TECPR2: variants seen among roughly 807,000 people sequenced by gnomAD.
TECPR2 encodes the protein tectonin beta-propeller repeat containing 2.
Under a neutral mutation model 138.1 loss-of-function variants are expected in TECPR2, and 65 were observed. The ratio of observed to expected loss-of-function variants is 0.47; its 90% confidence interval spans 0.39 to 0.58. TECPR2 has a LOEUF of 0.58. Ranked by LOEUF, TECPR2 falls within the 20% of genes least tolerant of loss-of-function variation. TECPR2 has a pLI of 0.00. For missense variants in TECPR2, 1,553 were observed against 1,824.5 expected (o/e 0.85, Z 2.71); for synonymous variants, 746 against 749.8 (o/e 0.99, Z 0.08).
intron 17 of TECPR2, among the ~76,000 whole-genome samples, chr14:102,488,684 A>G (rs1052719863): frequency 6.6e-6 from 1 of 151,750 alleles, no homozygotes; most frequent in Non-Finnish European, 1.5e-5. Context: ...CTGCACTTGT[A>G]TTTATAAGAA....
chr14:102,391,956 C>T (rs1447563769), intron 2 of TECPR2, among the ~76,000 whole-genome samples: 3 of 152,088 alleles, frequency 2.0e-5, no homozygotes, highest in African/African-American at 4.8e-5. Context: ...TTTTCATTTC[C>T]TGCTGAAACC....
At chr14:102,398,088 AAAAGAAAAAAG>A (rs1209367561) in intron 2 of TECPR2, among the ~76,000 whole-genome samples, 3,142 of 149,358 alleles carry the variant, frequency 0.021, 40 homozygotes, top group Middle Eastern at 0.067. Context: ...AAAAAAAAAA[AAAAGAAAAAAG>A]AAAGAAAAGA....
rs1319695813 is a variant in TECPR2, at chr14:102,434,763, C to T, written c.1946C>T (p.Thr649Ile). 1.2e-6 allele frequency: 2 copies of T among 1,613,416 alleles called. No homozygotes were observed. The highest frequency in any genetic ancestry group is 1.1e-5 in the South Asian group (1 of 91,090). Residue 649 changes from threonine to isoleucine, a missense_variant, in exon 9 of 20, where the codon ACT (threonine) becomes ATT (isoleucine). Physicochemically the swap from Thr to Ile is moderately conservative, Grantham distance 89. Transcript: ENST00000359520. Reference sequence around the variant, plus strand: ...GAAGTCCCCCTCCTGAACTCACTCACTGTGCCTTCCAGCCTCAGCTGGGCC... The same window carrying T: ...GAAGTCCCCCTCCTGAACTCACTCATTGTGCCTTCCAGCCTCAGCTGGGCC... ...FCEVPLLNSL[T>I]VPSSLSWAPS...
intron 17 of TECPR2, among the ~76,000 whole-genome samples, chr14:102,480,704 G>T (rs1890872635): frequency 6.6e-6 from 1 of 151,244 alleles, no homozygotes; most frequent in South Asian, 2.1e-4. Flanking sequence ...ATTTTGTAGA[G>T]ATGAGGTCTT....
chr14:102,364,615 G>T (rs1423804309), intron 1 of TECPR2, among the ~76,000 whole-genome samples: 7 of 152,236 alleles, frequency 4.6e-5, no homozygotes, highest in African/African-American at 1.7e-4. Flanking sequence ...TGACTAGGAA[G>T]TAGCTTTTGT....
At chr14:102,467,381 A>G (rs534671725) in intron 17 of TECPR2, among the ~76,000 whole-genome samples, 5 of 147,110 alleles carry the variant, frequency 3.4e-5, no homozygotes, top group Admixed American at 2.1e-4. Context: ...CTGGAGTGCA[A>G]TGGCGCCATC....
chr14:102,390,397 T>G (rs1165242882), intron 2 of TECPR2, among the ~76,000 whole-genome samples: 1 of 152,034 alleles, frequency 6.6e-6, no homozygotes, highest in Non-Finnish European at 1.5e-5. Flanking sequence ...TCCTGGGAAG[T>G]TGGAAATAAA....
intron 2 of TECPR2, among the ~76,000 whole-genome samples, chr14:102,395,783 G>A (rs1289538624): frequency 6.6e-6 from 1 of 152,214 alleles, no homozygotes; most frequent in Admixed American, 6.5e-5. Context: ...GGGCGACAGA[G>A]CGAGACTCTG....
intron 2 of TECPR2, among the ~76,000 whole-genome samples, chr14:102,383,821 C>T (rs1221714370): frequency 1.3e-5 from 2 of 152,056 alleles, no homozygotes; most frequent in African/African-American, 4.8e-5. Flanking sequence ...CTACAAATTA[C>T]ATCTGATGGC....
chr14:102,497,423 G>T, intron 18 of TECPR2, 147 bp from the exon 19 acceptor site: 1 of 1,193,010 alleles, frequency 8.4e-7, no homozygotes, highest in South Asian at 1.8e-5. Flanking sequence ...CTTTCCCTCG[G>T]CTCCTGCCCC....
chr14:102,449,301 G>A (rs1176576959), intron 13 of TECPR2, among the ~76,000 whole-genome samples: 1 of 152,218 alleles, frequency 6.6e-6, no homozygotes, highest in African/African-American at 2.4e-5. Flanking sequence ...CTTCTTAGAA[G>A]GGGTGTGAGG....
At chr14:102,375,803 G>A (rs1380848307) in intron 1 of TECPR2, among the ~76,000 whole-genome samples, 2 of 152,186 alleles carry the variant, frequency 1.3e-5, no homozygotes, top group East Asian at 3.8e-4. Flanking sequence ...GGAGGGAAAA[G>A]ACCTAGAGTC....
intron 17 of TECPR2, among the ~76,000 whole-genome samples, chr14:102,491,196 C>T (rs1340850670): frequency 6.6e-6 from 1 of 152,058 alleles, no homozygotes; most frequent in Non-Finnish European, 1.5e-5. Context: ...GCTCAGCCCA[C>T]ATCTCTCCTC....
At chr14:102,487,573 G>A (rs1455531598) in intron 17 of TECPR2, among the ~76,000 whole-genome samples, 1 of 151,910 alleles carries the variant, frequency 6.6e-6, no homozygotes, top group African/African-American at 2.4e-5. Flanking sequence ...ATGGAGTCTC[G>A]CTCTCTCCCC....
chr14:102,413,675 G>A (rs1469939867), intron 4 of TECPR2, among the ~76,000 whole-genome samples: 4 of 152,070 alleles, frequency 2.6e-5, no homozygotes, highest in South Asian at 2.1e-4. Context: ...CACTGCACCC[G>A]GCCTGATGAC....
rs143654338 is a variant in TECPR2 at position 102,412,864 on chromosome 14, G to A, written c.481-1772G>A. Among the ~76,000 whole-genome samples, 500 of 152,218 alleles carry A rather than the reference G, an allele frequency of 3.3e-3. 3 individuals are homozygous for A. Among genetic ancestry groups the A allele is most frequent in the African/African-American group, 0.012 (484 of 41,510 alleles). On this transcript the variant is annotated intron_variant, in intron 4 of 19. Coordinates refer to ENST00000359520, the MANE Select transcript of TECPR2 (RefSeq NM_014844.5). The stretch of plus-strand genomic sequence containing the variant: ...AATCCCAGCACTTTGGGAGGCCAAG[G>A]CAGGATGATCACTTGAGCCCAGGAA...
At chr14:102,406,770 CTTGAGCCTGGGAGG>C (rs1888670224) in intron 2 of TECPR2, among the ~76,000 whole-genome samples, 1 of 152,194 alleles carries the variant, frequency 6.6e-6, no homozygotes, top group African/African-American at 2.4e-5. Flanking sequence ...GCGAGGATCG[CTTGAGCCTGGGAGG>C]TTGAGGCTGC....
rs115020228 is a variant in TECPR2 at position 102,486,562 on chromosome 14, A to G, written c.3790-10417A>G. ...CTGGTCCCATGAAACTGCCCCTTCCACAGGGGCCCTGAGGCACCTCTGCAA... is the reference window on the plus strand; with the variant it reads ...CTGGTCCCATGAAACTGCCCCTTCCGCAGGGGCCCTGAGGCACCTCTGCAA... On this transcript the variant is annotated intron_variant, in intron 17 of 19. Coordinates refer to ENST00000359520, the MANE Select transcript of TECPR2 (RefSeq NM_014844.5). 1.9e-3 allele frequency among the ~76,000 whole-genome samples: 286 copies of G among 152,350 alleles called. 1 individual carries two copies. Among genetic ancestry groups the G allele is most frequent in the African/African-American group, 6.6e-3 (274 of 41,588 alleles).
At chr14:102,485,057 T>A (rs1890993256) in intron 17 of TECPR2, among the ~76,000 whole-genome samples, 1 of 152,236 alleles carries the variant, frequency 6.6e-6, no homozygotes, top group Admixed American at 6.5e-5. Context: ...GCCCAGAAGC[T>A]TCTGGCTTCT....
Sources: allele counts gnomAD v4.1 joint callset (sites outside exome capture counted in the v4.1 genomes callset), GRCh38; gene constraint gnomAD v4.1.1; transcripts MANE v1.5; gene names NCBI Gene and HGNC (gene_info 2026-07-23, HGNC 2026-07-21).